Variants in HNRNPA3 observed in about 807,000 individuals in gnomAD.
The protein encoded by HNRNPA3 is heterogeneous nuclear ribonucleoprotein A3.
Under a neutral mutation model 45.8 loss-of-function variants are expected in HNRNPA3, and 3 were observed. That is an observed-to-expected ratio of 0.07 (90% confidence interval 0.03 to 0.17). The LOEUF is 0.17. Among genes scored for constraint, HNRNPA3 ranks in the 10% least tolerant of loss-of-function variants. The pLI is 1.00. For synonymous variants in HNRNPA3, 170 were observed against 155.6 expected (o/e 1.09, Z -0.69); for missense variants, 183 against 480.3 (o/e 0.38, Z 5.79).
At chr2:177,216,385 C>G in intron 4 of HNRNPA3, 118 bp from the exon 5 acceptor site, 1 of 768,108 alleles carries the variant, frequency 1.3e-6, no homozygotes, top group South Asian at 1.7e-5. Context: ...TCCTTCATTA[C>G]CAGAGTCACT....
At chr2:177,216,397 C>T in intron 4 of HNRNPA3, 106 bp from the exon 5 acceptor site, 1 of 817,056 alleles carries the variant, frequency 1.2e-6, no homozygotes, top group East Asian at 2.6e-5. Context: ...AGAGTCACTA[C>T]CTGATTATGT....
At chr2:177,223,312 CTT>C (rs1289949670), downstream of HNRNPA3, 1 of 150,962 alleles carries the variant, frequency 6.6e-6, no homozygotes, top group East Asian at 1.9e-4. Flanking sequence ...TAGTTTATTT[CTT>C]TTTATGAAAT....
chr2:177,220,708 T>C (rs565020015), downstream of HNRNPA3: 1 of 152,790 alleles, frequency 6.5e-6, no homozygotes, highest in East Asian at 1.9e-4. Context: ...GTCTGAGTTC[T>C]TAAATTCCCA....
At chr2:177,222,572 C>T (rs1357523382), downstream of HNRNPA3, 1 of 152,322 alleles carries the variant, frequency 6.6e-6, no homozygotes, top group Non-Finnish European at 1.5e-5. Context: ...CTTTGGGAGG[C>T]TGAGGCAGAT....
Position 177,216,603 on chromosome 2 carries a change from C to G in HNRNPA3, c.643+11C>G. The G allele has an allele frequency of 6.2e-7, 1 of 1,612,296 alleles. No individual in the cohort carries two copies. Among genetic ancestry groups the G allele is most frequent in the Non-Finnish European group, 8.5e-7 (1 of 1,178,404 alleles). ...CTGGATCACAGAGAGGTGAGTAGGA[C>G]CATACACATGTATACAGTGGATATG... On this transcript the variant is annotated intron_variant, in intron 5 of 10. Transcript: ENST00000392524.
chr2:177,222,894 C>G (rs1244612908), downstream of HNRNPA3: 2 of 152,628 alleles, frequency 1.3e-5, no homozygotes, highest in East Asian at 3.9e-4. Context: ...ATTTTCGTTC[C>G]TTTTTTGTTT....
chr2:177,222,208 A>T (rs1295384467), downstream of HNRNPA3: 1 of 152,546 alleles, frequency 6.6e-6, no homozygotes, highest in Non-Finnish European at 1.5e-5. Flanking sequence ...ATATTTCACA[A>T]CTTTGTCCCT....
chr2:177,215,809 T>C, exon 3 of HNRNPA3: 3 of 1,611,270 alleles, frequency 1.9e-6, no homozygotes, highest in Admixed American at 3.4e-5. Context: ...CTTATTCTTG[T>C]GTTGAAGAGG....
intron 1 of HNRNPA3, 59 bp from the exon 2 acceptor site, chr2:177,215,480 T>G: frequency 6.5e-7 from 1 of 1,532,994 alleles, no homozygotes; most frequent in Non-Finnish European, 9.0e-7. Flanking sequence ...TAAAGGCTCT[T>G]CGTGCATCTT....
At chr2:177,219,839 G>T (rs1260033111) in exon 11 of HNRNPA3, 1 of 152,588 alleles carries the variant, frequency 6.6e-6, no homozygotes, top group Non-Finnish European at 1.5e-5. Flanking sequence ...ATGCAGTTTC[G>T]AAGGTGTTTC....
chr2:177,213,502 C>CT (rs1172523363), intron 1 of HNRNPA3, among the ~76,000 whole-genome samples: 2 of 152,196 alleles, frequency 1.3e-5, no homozygotes, highest in Non-Finnish European at 2.9e-5. Flanking sequence ...TTGGCCTTTT[C>CT]TTTTTTTCGC....
chr2:177,217,778 C>T (rs201643705), exon 8 of HNRNPA3: 5 of 1,612,318 alleles, frequency 3.1e-6, no homozygotes, highest in Middle Eastern at 1.7e-4. Context: ...GATATGGAAA[C>T]CAAGGTGGTG....
chr2:177,216,081 A>T, exon 4 of HNRNPA3: 1 of 1,556,306 alleles, frequency 6.4e-7, no homozygotes, highest in East Asian at 2.2e-5. Flanking sequence ...TTTGAAAAGT[A>T]TGGCAAGATT....
At chr2:177,216,262 T>C (rs1688926214) in intron 4 of HNRNPA3, 74 bp downstream of exon 4, 8 of 1,076,540 alleles carry the variant, frequency 7.4e-6, no homozygotes, top group South Asian at 1.4e-5. Context: ...ATTTGCTAAA[T>C]TGTAATTTTC....
intron 5 of HNRNPA3, 40 bp from the exon 6 acceptor site, chr2:177,216,636 T>G (rs770602553): frequency 1.2e-5 from 20 of 1,612,994 alleles, no homozygotes; most frequent in East Asian, 8.9e-5. Flanking sequence ...ATGAGTGGTG[T>G]TTGTAAGGTT....
chr2:177,215,620 C>A (rs905499991), exon 2 of HNRNPA3: 5 of 1,613,742 alleles, frequency 3.1e-6, no homozygotes, highest in Non-Finnish European at 4.2e-6. Flanking sequence ...TGATAGTTTA[C>A]GAGAACATTT....
rs574343719 is a variant in HNRNPA3, at chr2:177,213,689, T to C, written c.72+818T>C. 5.0e-4 allele frequency among the ~76,000 whole-genome samples: 76 copies of C among 152,386 alleles called. 3 individuals carry two copies. In the South Asian group the frequency reaches 0.015, roughly 31 times the overall value. On this transcript the variant is annotated intron_variant, in intron 1 of 10. Transcript: ENST00000392524. ...ACAACCCAGCCAGCTCCTTCCCGGC[T>C]CCGGCCGCTGAGGAGGGTGGGTGGA...
downstream of HNRNPA3, chr2:177,220,746 A>G (rs1689156537): frequency 6.6e-6 from 1 of 152,608 alleles, no homozygotes; most frequent in Admixed American, 6.5e-5. Flanking sequence ...TCTTGTGTAT[A>G]TTTCAACATA....
chr2:177,221,745 A>T (rs1410062268), downstream of HNRNPA3: 2 of 152,696 alleles, frequency 1.3e-5, no homozygotes, highest in African/African-American at 4.8e-5. Context: ...GCATAAATAA[A>T]GAATGACAAG....
Sources: gnomAD v4.1 joint callset for allele counts (sites outside exome capture counted in the v4.1 genomes callset) on GRCh38, gnomAD v4.1.1 for gene constraint, MANE v1.5 for transcripts, NCBI Gene and HGNC (gene_info 2026-07-23, HGNC 2026-07-21) for gene names.